SYNPR: variants seen among roughly 807,000 people sequenced by gnomAD.
SYNPR encodes the protein synaptoporin.
A neutral mutation model predicts 32.9 loss-of-function variants in SYNPR; 23 were observed. The observed-to-expected ratio is 0.70, with a 90% confidence interval of 0.50 to 0.99. The LOEUF (loss-of-function observed/expected upper bound fraction) is 0.99. SYNPR is among the 50% of genes least tolerant of loss of function. The probability of loss-of-function intolerance (pLI) is 0.00; values close to 1 mark genes in which losing one functional copy is unlikely to be tolerated. For missense variants in SYNPR, 318 were observed against 349.3 expected, an observed-to-expected ratio of 0.91 and a Z score of 0.71; for synonymous variants, 146 against 135.9, an observed-to-expected ratio of 1.07 and a Z score of -0.52.
At chr3:63,555,951 A>C (rs909389159) in intron 3 of SYNPR, among the ~76,000 whole-genome samples, 1 of 152,212 alleles carries the variant, frequency 6.6e-6, no homozygotes. Flanking sequence ...CTTTTGATTA[A>C]TGGCAGGAAA....
At chr3:63,565,583 C>A (rs1190031529) in intron 4 of SYNPR, among the ~76,000 whole-genome samples, 1 of 152,190 alleles carries the variant, frequency 6.6e-6, no homozygotes, top group African/African-American at 2.4e-5. Context: ...AAGTGCCCTA[C>A]TTCTTAATAT....
At chr3:63,613,568 C>T (rs1476464213) in intron 5 of SYNPR, among the ~76,000 whole-genome samples, 3 of 111,690 alleles carry the variant, frequency 2.7e-5, no homozygotes, top group African/African-American at 6.9e-5. Context: ...GTCTCAAGAA[C>T]ATCGTCTCAC....
chr3:63,472,008 G>C (rs1263185735), intron 2 of SYNPR, among the ~76,000 whole-genome samples: 1 of 152,068 alleles, frequency 6.6e-6, no homozygotes, highest in African/African-American at 2.4e-5. Context: ...CCCTCCCCAC[G>C]GCAGCCTGCG....
At chr3:63,309,821 T>C (rs1575593671) in intron 2 of SYNPR, among the ~76,000 whole-genome samples, 2 of 152,132 alleles carry the variant, frequency 1.3e-5, no homozygotes, top group Middle Eastern at 6.8e-3. Context: ...TGCTACACAC[T>C]TTATCCTCAT....
At chr3:63,225,472 C>A (rs149852912), upstream of SYNPR, among the ~76,000 whole-genome samples, 3 of 152,278 alleles carry the variant, frequency 2.0e-5, no homozygotes, top group African/African-American at 7.2e-5. Flanking sequence ...GGCATCAACT[C>A]TTGAAAGCTA....
chr3:63,525,721 C>A (rs1701999762), intron 3 of SYNPR, among the ~76,000 whole-genome samples: 1 of 152,196 alleles, frequency 6.6e-6, no homozygotes, highest in African/African-American at 2.4e-5. Context: ...CTCCAGGTCT[C>A]TGGGAATTCT....
At chr3:63,564,890 T>C (rs1702755501) in intron 4 of SYNPR, among the ~76,000 whole-genome samples, 1 of 152,206 alleles carries the variant, frequency 6.6e-6, no homozygotes, top group African/African-American at 2.4e-5. Context: ...GCTTAAAGAA[T>C]TCATGCTTCT....
chr3:63,279,709 T>G (rs1485321402), intron 2 of SYNPR, among the ~76,000 whole-genome samples: 1 of 152,224 alleles, frequency 6.6e-6, no homozygotes, highest in Non-Finnish European at 1.5e-5. Flanking sequence ...GCTGGGAAAT[T>G]ATGTAAGAGC....
At chr3:63,309,418 C>A (rs2086940462) in intron 2 of SYNPR, among the ~76,000 whole-genome samples, 1 of 151,902 alleles carries the variant, frequency 6.6e-6, no homozygotes, top group Admixed American at 6.6e-5. Flanking sequence ...TTGATTTTTA[C>A]CTTGCTTGAT....
At chr3:63,611,784 A>T (rs907329162) in intron 5 of SYNPR, among the ~76,000 whole-genome samples, 5 of 152,130 alleles carry the variant, frequency 3.3e-5, no homozygotes, top group Non-Finnish European at 7.4e-5. Context: ...AATGAAAATC[A>T]CTCAGGTCCA....
At chr3:63,529,731 G>A (rs1169607681) in intron 3 of SYNPR, among the ~76,000 whole-genome samples, 1 of 152,204 alleles carries the variant, frequency 6.6e-6, no homozygotes, top group African/African-American at 2.4e-5. Flanking sequence ...TTAAACTCAA[G>A]GGATTGGATT....
intron 2 of SYNPR, among the ~76,000 whole-genome samples, chr3:63,354,545 AT>A (rs1197002309): frequency 6.6e-6 from 1 of 152,256 alleles, no homozygotes; most frequent in Non-Finnish European, 1.5e-5. Context: ...GTGGAAGCAC[AT>A]GAGAAGTATC....
intron 2 of SYNPR, among the ~76,000 whole-genome samples, chr3:63,394,479 T>C (rs2088187102): frequency 6.6e-6 from 1 of 152,222 alleles, no homozygotes; most frequent in African/African-American, 2.4e-5. Context: ...AATGAAACTC[T>C]AAATGTACTT....
At chr3:63,235,555 GA>G (rs2086194471) in intron 1 of SYNPR, among the ~76,000 whole-genome samples, 1 of 152,106 alleles carries the variant, frequency 6.6e-6, no homozygotes, top group African/African-American at 2.4e-5. Context: ...GTCTTGAGGG[GA>G]CTCCAGGAAG....
intron 4 of SYNPR, 46 bp from the exon 5 acceptor site, chr3:63,609,079 A>G: frequency 6.5e-7 from 1 of 1,537,972 alleles, no homozygotes; most frequent in Non-Finnish European, 8.7e-7. Flanking sequence ...TGTTTCTAGA[A>G]CTCACATTTT....
chr3:63,406,736 G>A (rs1301036219), intron 2 of SYNPR, among the ~76,000 whole-genome samples: 11 of 152,150 alleles, frequency 7.2e-5, no homozygotes, highest in Non-Finnish European at 1.5e-5. Context: ...GGTCTCACTG[G>A]AGTAACAGAA....
the SYNPR span, among the ~76,000 whole-genome samples, chr3:63,218,335 T>G: frequency 6.6e-6 from 1 of 152,320 alleles, no homozygotes; most frequent in African/African-American, 2.4e-5. Context: ...TAGAAATATA[T>G]TTCTCCAATA....
chr3:63,348,241 C>T (rs999494032), intron 2 of SYNPR, among the ~76,000 whole-genome samples: 3 of 152,064 alleles, frequency 2.0e-5, no homozygotes, highest in Non-Finnish European at 4.4e-5. Flanking sequence ...AGAATGATAT[C>T]GCACCATGGT....
chr3:63,542,012 G>T (rs772221544), intron 3 of SYNPR, among the ~76,000 whole-genome samples: 7 of 152,040 alleles, frequency 4.6e-5, no homozygotes, highest in Non-Finnish European at 1.0e-4. Flanking sequence ...CCAAATAAAA[G>T]TTATATGAGC....
Sources: gnomAD v4.1 joint callset for allele counts (sites outside exome capture counted in the v4.1 genomes callset) on GRCh38, gnomAD v4.1.1 for gene constraint, MANE v1.5 for transcripts, NCBI Gene and HGNC (gene_info 2026-07-23, HGNC 2026-07-21) for gene names.